AIF1L: variants seen among roughly 807,000 people sequenced by gnomAD.
AIF1L encodes allograft inflammatory factor 1-like.
Under a neutral mutation model 20.7 loss-of-function variants are expected in AIF1L, and 12 were observed. That is an observed-to-expected ratio of 0.58 (90% CI 0.37 to 0.94). The LOEUF (loss-of-function observed/expected upper bound fraction) is 0.94. Ranked by LOEUF, AIF1L falls within the 40% of genes least tolerant of loss-of-function variation. The pLI is 0.01. For missense variants in AIF1L, 173 were observed against 185.3 expected, an observed-to-expected ratio of 0.93 and a Z score of 0.39; for synonymous variants, 76 against 65.1, an observed-to-expected ratio of 1.17 and a Z score of -0.81.
chr9:131,103,043 T>C lies in AIF1L; in HGVS notation c.93+6180T>C, dbSNP rs1830672373. The stretch of plus-strand genomic sequence containing the variant: ...CGAGGAGCAGGCAGGTGGGAGGGCT[T>C]CTGAGGACAGGCACGGCAGGGGCTG... On this transcript the variant is annotated intron_variant, in intron 2 of 5. Coordinates refer to ENST00000247291, the MANE Select transcript of AIF1L (RefSeq NM_031426.4). 1.1e-5 allele frequency: 5 copies of C among 454,658 alleles called. 1 individual carries two copies. Among genetic ancestry groups the C allele is most frequent in the South Asian group, 7.7e-5 (5 of 64,540 alleles). 28.2% of individuals were successfully genotyped at this position (454,658 alleles called of 1,614,324 possible).
intron 2 of AIF1L, among the ~76,000 whole-genome samples, chr9:131,110,919 T>G (rs1157961932): frequency 6.6e-6 from 1 of 151,006 alleles, no homozygotes; most frequent in Non-Finnish European, 1.5e-5. Context: ...CCCAGCACTT[T>G]GGGAGTCTGA....
In AIF1L at chr9:131,108,355, ATGCCCG is replaced by A. The variant is rs1209712869; in HGVS notation, c.94-3241_94-3236del. 1.2e-4 allele frequency among the ~76,000 whole-genome samples: 19 copies of A among 152,018 alleles called. No homozygotes were observed. The East Asian group carries it at 3.7e-3, about 29-fold the overall frequency. On this transcript the variant is annotated intron_variant, in intron 2 of 5. Transcript: ENST00000247291. ...GCTGGGATTACAGGCACACGCCCCCATGCCCGGCTAATTTTTGGACTTTTAGTAGAG... is the reference window on the plus strand; with the variant it reads ...GCTGGGATTACAGGCACACGCCCCCAGCTAATTTTTGGACTTTTAGTAGAG...
chr9:131,117,086 G>A (rs1395319759), intron 4 of AIF1L, among the ~76,000 whole-genome samples: 1 of 152,124 alleles, frequency 6.6e-6, no homozygotes, highest in African/African-American at 2.4e-5. Flanking sequence ...AGACAGCACC[G>A]CCTCGGGCTG....
chr9:131,109,683 C>T (rs1003713237), intron 2 of AIF1L, among the ~76,000 whole-genome samples: 1 of 152,242 alleles, frequency 6.6e-6, no homozygotes, highest in Non-Finnish European at 1.5e-5. Flanking sequence ...GGTTCCAGGG[C>T]TGCTGAAAGA....
At chr9:131,107,110 A>G (rs1001448302) in intron 2 of AIF1L, among the ~76,000 whole-genome samples, 8 of 152,146 alleles carry the variant, frequency 5.3e-5, no homozygotes, top group African/African-American at 1.9e-4. Flanking sequence ...AAAATAAAAC[A>G]AAACAAAAAA....
chr9:131,114,746 C>A, intron 4 of AIF1L, 128 bp downstream of exon 4: 1 of 1,218,218 alleles, frequency 8.2e-7, no homozygotes, highest in Non-Finnish European at 1.2e-6. Context: ...GCCGAGCCAG[C>A]CCCAGCCCCT....
chr9:131,117,781 G>T lies in AIF1L; in HGVS notation c.228G>T (p.Met76Ile). Reference sequence around the variant, plus strand: ...ACCTGATGTCTTTAAAGAGGATGATGGAGAAGCTTGGTGTCCCCAAGACCC... The same window carrying T: ...ACCTGATGTCTTTAAAGAGGATGATTGAGAAGCTTGGTGTCCCCAAGACCC... Reference protein sequence around the residue: ...EIDLMSLKRMMEKLGVPKTHL... With the variant: ...EIDLMSLKRMIEKLGVPKTHL... Residue 76 changes from methionine (M) to isoleucine (I), a missense_variant, in exon 5 of 6, where the codon ATG becomes ATT. Physicochemically the swap from Met to Ile is conservative, Grantham distance 10. Coordinates refer to ENST00000247291, the MANE Select transcript of AIF1L (RefSeq NM_031426.4). The T allele has an allele frequency of 6.2e-7, 1 of 1,613,508 alleles. No homozygotes were observed.
At chr9:131,104,828 G>T (rs1830710178) in intron 2 of AIF1L, among the ~76,000 whole-genome samples, 2 of 151,522 alleles carry the variant, frequency 1.3e-5, no homozygotes, top group Admixed American at 6.6e-5. Context: ...GGCCCAGGAG[G>T]TTGAGGTTGC....
chr9:131,103,769 G>C (rs929226907), intron 2 of AIF1L, among the ~76,000 whole-genome samples: 4 of 152,198 alleles, frequency 2.6e-5, no homozygotes, highest in Non-Finnish European at 5.9e-5. Flanking sequence ...GCCTAGAGTG[G>C]TAAACAGGTA....
Position 131,120,560 on chromosome 9 carries a change from C to A in AIF1L, c.*238C>A. On this transcript the variant is annotated 3_prime_UTR_variant, in exon 6 of 6. Coordinates refer to ENST00000247291, the MANE Select transcript of AIF1L (RefSeq NM_031426.4). ...CTTCCCTCCTTCCCCGCTCCCTGTG[C>A]AGAAGGGCTGACATCAAACCAAAAA... 2.1e-6 allele frequency: 1 copy of A among 470,224 alleles called. No individual in the cohort carries two copies. The allele number at this position is 470,224 out of a possible 1,614,324, so 29.1% of individuals were successfully genotyped here.
At chr9:131,098,700 A>C (rs1280513154) in intron 2 of AIF1L, among the ~76,000 whole-genome samples, 2 of 152,174 alleles carry the variant, frequency 1.3e-5, no homozygotes, top group Non-Finnish European at 2.9e-5. Flanking sequence ...GAGGGACTTT[A>C]ACAGCTGTCA....
At chr9:131,097,026 C>A (rs1248207545) in intron 2 of AIF1L, among the ~76,000 whole-genome samples, 163 bp downstream of exon 2, 3 of 152,178 alleles carry the variant, frequency 2.0e-5, no homozygotes, top group Admixed American at 2.0e-4. Flanking sequence ...CCGTCGCCTC[C>A]GACTCCAGGT....
chr9:131,108,996 A>G (rs1830813931), intron 2 of AIF1L, among the ~76,000 whole-genome samples: 1 of 152,218 alleles, frequency 6.6e-6, no homozygotes, highest in Admixed American at 6.5e-5. Context: ...CCTAAGAGAT[A>G]TGTAAGAACA....
chr9:131,098,271 C>G (rs1354071663), intron 2 of AIF1L: 1 of 152,680 alleles, frequency 6.5e-6, no homozygotes, highest in Non-Finnish European at 1.5e-5. Context: ...GCTCCGGCCT[C>G]CTCACCGCCA....
At chr9:131,098,520 C>T (rs902684069) in intron 2 of AIF1L, among the ~76,000 whole-genome samples, 2 of 152,098 alleles carry the variant, frequency 1.3e-5, no homozygotes, top group Non-Finnish European at 2.9e-5. Context: ...CACCCACAGC[C>T]AGCGGGACCC....
intron 5 of AIF1L, among the ~76,000 whole-genome samples, chr9:131,118,860 G>A (rs562495327): frequency 6.6e-6 from 1 of 152,144 alleles, no homozygotes; most frequent in African/African-American, 2.4e-5. Flanking sequence ...TTCCCCATTT[G>A]TAAAGCACCT....
intron 2 of AIF1L, chr9:131,106,116 A>G (rs2133383931): frequency 6.7e-7 from 1 of 1,485,272 alleles, no homozygotes; most frequent in East Asian, 2.5e-5. Context: ...TATGCTGGGC[A>G]CTTCGACGCT....
rs1367949783 is a variant in AIF1L, at chr9:131,121,700, C to T, written c.*1378C>T. 6.6e-6 allele frequency: 1 copy of T among 152,540 alleles called. No individual in the cohort carries two copies. The highest frequency in any genetic ancestry group is 2.4e-5 in the African/African-American group (1 of 41,446). 9.4% of individuals were successfully genotyped at this position (152,540 alleles called of 1,614,324 possible). On this transcript the variant is annotated 3_prime_UTR_variant, in exon 6 of 6. Coordinates refer to ENST00000247291, the MANE Select transcript of AIF1L (RefSeq NM_031426.4). ...GGAAGGGCTGGGAAGAGACAGCCTC[C>T]AAGGTCAACACTTGGAGAGGGTTTC...
At chr9:131,109,168 C>T (rs1588183717) in intron 2 of AIF1L, among the ~76,000 whole-genome samples, 1 of 149,414 alleles carries the variant, frequency 6.7e-6, no homozygotes, top group Non-Finnish European at 1.5e-5. Context: ...GTGCTGTGTG[C>T]ACTGTGTCCC....
Sources: gnomAD v4.1 joint callset for allele counts (sites outside exome capture counted in the v4.1 genomes callset) on GRCh38, gnomAD v4.1.1 for gene constraint, MANE v1.5 for transcripts, NCBI Gene and HGNC (gene_info 2026-07-23, HGNC 2026-07-21) for gene names.